The following CHCHD3 variants were observed in gnomAD, a reference collection of about 807,000 sequenced individuals.
CHCHD3 encodes the protein coiled-coil-helix-coiled-coil-helix domain containing 3.
CHCHD3 carries 20 observed loss-of-function variants against 38.2 expected under a neutral mutation model. The ratio of observed to expected loss-of-function variants is 0.52; its 90% CI spans 0.37 to 0.76. The LOEUF is 0.76. CHCHD3 is among the 30% of genes least tolerant of loss of function. The pLI, the probability that CHCHD3 is intolerant of heterozygous loss-of-function variation, is 0.00. For missense variants in CHCHD3, 245 were observed against 279.2 expected, an observed-to-expected ratio of 0.88 and a Z score of 0.87; for synonymous variants, 82 against 100.0, an observed-to-expected ratio of 0.82 and a Z score of 1.07.
intron 5 of CHCHD3, among the ~76,000 whole-genome samples, chr7:132,859,904 C>T (rs1267966431): frequency 3.3e-5 from 5 of 152,196 alleles, no homozygotes; most frequent in Non-Finnish European, 5.9e-5. Flanking sequence ...CAGACCTTGC[C>T]TCTGATTCCA....
intron 4 of CHCHD3, among the ~76,000 whole-genome samples, chr7:132,926,018 G>A (rs1810369403): frequency 6.6e-6 from 1 of 152,166 alleles, no homozygotes; most frequent in Admixed American, 6.5e-5. Flanking sequence ...AAGCAAGCAA[G>A]GCAGACTATG....
At chr7:132,928,549 T>G (rs1562911067) in intron 4 of CHCHD3, among the ~76,000 whole-genome samples, 1 of 151,904 alleles carries the variant, frequency 6.6e-6, no homozygotes, top group East Asian at 1.9e-4. Context: ...ATACAAAAAT[T>G]AGCCAGGCAT....
At chr7:132,882,060 C>T (rs1237213855) in intron 5 of CHCHD3, among the ~76,000 whole-genome samples, 2 of 152,138 alleles carry the variant, frequency 1.3e-5, no homozygotes, top group Admixed American at 6.6e-5. Flanking sequence ...TTATCGTTAT[C>T]TTATACACAA....
chr7:133,071,237 G>A (rs1197366141), intron 1 of CHCHD3, among the ~76,000 whole-genome samples: 2 of 152,150 alleles, frequency 1.3e-5, no homozygotes, highest in Non-Finnish European at 2.9e-5. Flanking sequence ...TGAAAGCAAG[G>A]ATTTGGCTGT....
Position 133,035,751 on chromosome 7 carries a change from T to C in CHCHD3, c.170-11124A>G. 3.7e-6 allele frequency: 6 copies of C among 1,613,344 alleles called. No individual in the cohort carries two copies. Among genetic ancestry groups the C allele is most frequent in the Non-Finnish European group, 3.4e-6 (4 of 1,179,370 alleles). ...ATCATCACCCTCAAATGCTGGGACC[T>C]TGCCGGCAGGAAATTTGCGAAGAAA... On this transcript the variant is annotated intron_variant, in intron 2 of 7. Transcript: ENST00000262570. This position sits in a 1 kb window ranked among gnomAD's most constrained non-coding sequence, Gnocchi z 4.7.
chr7:132,803,314 T>C (rs1202621411), intron 6 of CHCHD3, among the ~76,000 whole-genome samples: 5 of 151,880 alleles, frequency 3.3e-5, no homozygotes, highest in South Asian at 2.1e-4. Context: ...AACTTTTTAT[T>C]TGAATATCTC....
chr7:132,972,347 T>C (rs945302359), intron 4 of CHCHD3, among the ~76,000 whole-genome samples: 1 of 152,238 alleles, frequency 6.6e-6, no homozygotes, highest in Admixed American at 6.5e-5. Context: ...GAGTGTATAC[T>C]ATTATCTATG....
chr7:133,034,575 G>C (rs1309744153), intron 2 of CHCHD3: 22 of 1,474,780 alleles, frequency 1.5e-5, no homozygotes, highest in Non-Finnish European at 2.0e-5. Flanking sequence ...CTGAAGGGCA[G>C]GTGCAGGCAG....
At chr7:132,995,087 G>C (rs1812380063) in intron 3 of CHCHD3, among the ~76,000 whole-genome samples, 1 of 152,098 alleles carries the variant, frequency 6.6e-6, no homozygotes, top group Admixed American at 6.5e-5. Context: ...CAGTATACTA[G>C]ATTTTTTAAT....
intron 4 of CHCHD3, among the ~76,000 whole-genome samples, chr7:132,951,667 T>G (rs1811039148): frequency 6.6e-6 from 1 of 152,316 alleles, no homozygotes; most frequent in Non-Finnish European, 1.5e-5. Context: ...CCAGAACATA[T>G]CCCTGTCGCT....
At chr7:133,007,228 C>A (rs920060921) in intron 3 of CHCHD3, among the ~76,000 whole-genome samples, 2 of 152,064 alleles carry the variant, frequency 1.3e-5, no homozygotes, top group Non-Finnish European at 2.9e-5. Context: ...GCAGACCAGG[C>A]TAATAAAGAA....
At position 132,796,435 on chromosome 7, in the gene CHCHD3, C is replaced by T; in HGVS notation, c.660+7G>A. ...AGTGCCCCCAGTGGCCTGGCTGGCA[C>T]ACCTACCTGTTTGGCATGATTGACA... is the stretch of plus-strand genomic sequence containing the variant. On this transcript the variant is annotated splice_region_variant and intron_variant, in intron 7 of 7. Coordinates refer to ENST00000262570, the MANE Select transcript of CHCHD3 (RefSeq NM_017812.4). The T allele has an allele frequency of 6.8e-6, 11 of 1,613,584 alleles. No individual in the cohort carries two copies. In the South Asian group the frequency reaches 1.2e-4, roughly 18 times the overall value.
intron 7 of CHCHD3, among the ~76,000 whole-genome samples, chr7:132,791,209 A>G (rs1806451160): frequency 6.6e-6 from 1 of 152,166 alleles, no homozygotes; most frequent in African/African-American, 2.4e-5. Flanking sequence ...CTGAATCAGA[A>G]TCTCCAGGGA....
At chr7:132,862,761 C>T (rs1207495881) in intron 5 of CHCHD3, among the ~76,000 whole-genome samples, 2 of 152,174 alleles carry the variant, frequency 1.3e-5, no homozygotes, top group African/African-American at 4.8e-5. Flanking sequence ...TTATAATATT[C>T]TTAGTTCTTT....
chr7:133,046,622 C>T lies in CHCHD3; in HGVS notation c.170-21995G>A, dbSNP rs1003675128. Reference sequence around the variant, plus strand: ...TGTCGCCCAGGCTGGAGTGCAGTGGCGCGATCTCGGCTCACTGCAAGCTCC... The same window carrying T: ...TGTCGCCCAGGCTGGAGTGCAGTGGTGCGATCTCGGCTCACTGCAAGCTCC... On this transcript the variant is annotated intron_variant, in intron 2 of 7. Transcript: ENST00000262570. 3.6e-4 allele frequency among the ~76,000 whole-genome samples: 55 copies of T among 151,898 alleles called. 1 individual carries two copies. The highest frequency in any genetic ancestry group is 3.2e-3 in the Middle Eastern group (1 of 316).
chr7:132,949,374 C>A (rs1810983706), intron 4 of CHCHD3, among the ~76,000 whole-genome samples: 1 of 152,064 alleles, frequency 6.6e-6, no homozygotes, highest in Non-Finnish European at 1.5e-5. Flanking sequence ...AATCCCACTG[C>A]CCGGAACAAG....
chr7:132,797,281 G>T (rs1020320846), intron 6 of CHCHD3, among the ~76,000 whole-genome samples: 1 of 151,968 alleles, frequency 6.6e-6, no homozygotes, highest in Non-Finnish European at 1.5e-5. Flanking sequence ...TGCTGCTCTT[G>T]CTTCTGGAAA....
intron 6 of CHCHD3, among the ~76,000 whole-genome samples, chr7:132,807,263 C>T (rs553479583): frequency 7.9e-5 from 12 of 152,254 alleles, no homozygotes; most frequent in Non-Finnish European, 8.8e-5. Flanking sequence ...AGATGCTCAA[C>T]GCTGGCAAGG....
chr7:133,013,194 A>C (rs999862511), intron 3 of CHCHD3, among the ~76,000 whole-genome samples: 9 of 143,018 alleles, frequency 6.3e-5, no homozygotes, highest in Non-Finnish European at 1.1e-4. Context: ...TCAAAAAAAA[A>C]AAAAAAAAAA....
Sources: allele counts gnomAD v4.1 joint callset (sites outside exome capture counted in the v4.1 genomes callset), GRCh38; gene constraint gnomAD v4.1.1; non-coding constraint Gnocchi (gnomAD v3.1); transcripts MANE v1.5; gene names NCBI Gene and HGNC (gene_info 2026-07-23, HGNC 2026-07-21).